Variants in MATK observed in about 807,000 individuals in gnomAD.
MATK encodes megakaryocyte-associated tyrosine-protein kinase.
In MATK, 41 loss-of-function variants were observed where a neutral mutation model predicts 59.8. The ratio of observed to expected loss-of-function variants is 0.69; its 90% CI spans 0.53 to 0.89. The LOEUF is 0.89. Among genes scored for constraint, MATK ranks in the 40% least tolerant of loss-of-function variants. The pLI, the probability that MATK is intolerant of heterozygous loss-of-function variation, is 0.00. For missense variants in MATK, 593 were observed against 719.6 expected (o/e 0.82, Z 2.01); for synonymous variants, 308 against 306.1 (o/e 1.01, Z -0.06).
chr19:3,792,063 G>A (rs1248551524), intron 1 of MATK, among the ~76,000 whole-genome samples: 3 of 150,664 alleles, frequency 2.0e-5, no homozygotes, highest in South Asian at 2.1e-4. Context: ...AGCCAAGATC[G>A]CACCACTATA....
chr19:3,784,327 C>A lies in MATK; in HGVS notation c.246+11G>T. 6.3e-7 allele frequency: 1 copy of A among 1,597,566 alleles called. No individual in the cohort carries two copies. Among genetic ancestry groups the A allele is most frequent in the Non-Finnish European group, 8.5e-7 (1 of 1,171,186 alleles). ...AGCCCCAAGCACCCACACCCGCCGG[C>A]CACCTCTCACCTCGCAGGCCTCCAG... is the stretch of plus-strand genomic sequence containing the variant. On this transcript the variant is annotated intron_variant, in intron 4 of 13. Transcript: ENST00000310132.
intron 7 of MATK, chr19:3,782,677 G>A (rs2037417744): frequency 5.5e-6 from 1 of 181,566 alleles, no homozygotes; most frequent in Non-Finnish European, 1.2e-5. Flanking sequence ...TCTCCCTGGA[G>A]GCATGGTTTC....
chr19:3,789,488 A>T, upstream of MATK: 1 of 561,158 alleles, frequency 1.8e-6, no homozygotes. Flanking sequence ...AGAAATAATA[A>T]GGGGAACCAA....
chr19:3,795,862 A>G lies in MATK; in HGVS notation c.-58+5670T>C, dbSNP rs148777670. On this transcript the variant is annotated intron_variant, in intron 1 of 13. Transcript: ENST00000395045. ...CTGCATCCTCCGCCTCCCAGGTTCA[A>G]GCTATTCTCCTGCCTCAGCCTCTTG... Among the ~76,000 whole-genome samples, 499 of 146,208 alleles carry G rather than the reference A, an allele frequency of 3.4e-3. 2 individuals carry two copies. Among genetic ancestry groups the G allele is most frequent in the Admixed American group, 4.4e-3 (62 of 14,038 alleles).
At chr19:3,791,874 G>A (rs1054924664) in intron 1 of MATK, among the ~76,000 whole-genome samples, 10 of 151,972 alleles carry the variant, frequency 6.6e-5, no homozygotes, top group Non-Finnish European at 1.2e-4. Flanking sequence ...TTGGGAGGCC[G>A]AGGTGGGTGG....
intron 3 of MATK, 96 bp downstream of exon 3, chr19:3,784,729 G>T: frequency 1.2e-6 from 1 of 841,814 alleles, no homozygotes; most frequent in Non-Finnish European, 2.0e-6. Context: ...AGGGGGTAGG[G>T]GGCAGAGAGT....
intron 1 of MATK, among the ~76,000 whole-genome samples, chr19:3,797,029 T>C (rs2037601596): frequency 6.6e-6 from 1 of 152,030 alleles, no homozygotes. Flanking sequence ...ACTTTCACAG[T>C]GGTGGGTTTG....
chr19:3,799,724 C>T (rs1466112068), intron 1 of MATK, among the ~76,000 whole-genome samples: 3 of 152,062 alleles, frequency 2.0e-5, no homozygotes. Context: ...GCCTGTGGTC[C>T]CAGCTACTTG....
Position 3,786,041 on chromosome 19 carries a change from A to C in MATK, c.-152+128T>G. On this transcript the variant is annotated intron_variant, in intron 1 of 13. Coordinates refer to ENST00000310132, the MANE Select transcript of MATK (RefSeq NM_139355.3). The surrounding 1 kb of genome is among the most constrained non-coding windows in gnomAD (Gnocchi z 4.1). ...GCCGCGCACCCGCTGCGCGCCCGGGACGCGCACACTCGCGCACACACCGGC... is the reference window on the plus strand; with the variant it reads ...GCCGCGCACCCGCTGCGCGCCCGGGCCGCGCACACTCGCGCACACACCGGC... 7.7e-6 allele frequency: 2 copies of C among 260,136 alleles called. No homozygotes were observed. The highest frequency in any genetic ancestry group is 1.2e-5 in the Non-Finnish European group (2 of 167,298). The allele number at this position is 260,136 out of a possible 1,614,324, so 16.1% of individuals were successfully genotyped here.
At position 3,791,630 on chromosome 19, in the gene MATK, A is replaced by G. The variant is rs369646251; in HGVS notation, c.-57-2226T>C. On this transcript the variant is annotated intron_variant, in intron 1 of 13. Transcript: ENST00000395045. ...AGTATTGGGATTACAGGCGTGAGCCACCGCACCCAGCCTCCACCTCCTCCC... is the reference window on the plus strand; with the variant it reads ...AGTATTGGGATTACAGGCGTGAGCCGCCGCACCCAGCCTCCACCTCCTCCC... 2.7e-5 allele frequency among the ~76,000 whole-genome samples: 4 copies of G among 149,098 alleles called. No homozygotes were observed. The East Asian group carries it at 8.4e-4, about 31-fold the overall frequency.
At position 3,785,044 on chromosome 19, in the gene MATK, T is replaced by G. The variant is rs1285464863; in HGVS notation, c.72+20A>C. ...ACCCAGAACTGGCTCCCCAAGCCCC[T>G]GTGGGGAAGTGATCTTTACCCGGGG... On this transcript the variant is annotated intron_variant, in intron 2 of 13. Coordinates refer to ENST00000310132, the MANE Select transcript of MATK (RefSeq NM_139355.3). 5.6e-6 allele frequency: 9 copies of G among 1,609,622 alleles called. No homozygotes were observed. The highest frequency in any genetic ancestry group is 3.3e-4 in the Middle Eastern group (2 of 6,076).
In MATK at chr19:3,797,862, T is replaced by C. The variant is rs925042482; in HGVS notation, c.-58+3670A>G. Among the ~76,000 whole-genome samples the C allele has an allele frequency of 5.3e-5, 8 of 151,944 alleles. No individual in the cohort carries two copies. In the South Asian group the frequency reaches 1.5e-3, roughly 28 times the overall value. On this transcript the variant is annotated intron_variant, in intron 1 of 13. Transcript: ENST00000395045. ...TTCGAGACCAGGCTGGCCAACATGG[T>C]GAAACCCCATCTCTACTAAATATAC...
At chr19:3,786,489 C>T (rs1568408752), upstream of MATK, 1 of 746,298 alleles carries the variant, frequency 1.3e-6, no homozygotes, top group Non-Finnish European at 1.6e-6. This position sits in a 1 kb window ranked among gnomAD's most constrained non-coding sequence, Gnocchi z 4.1. Flanking sequence ...CGCACGCGGG[C>T]TCCACGCCTG....
intron 1 of MATK, among the ~76,000 whole-genome samples, chr19:3,800,121 A>G (rs2037629667): frequency 6.6e-6 from 1 of 151,388 alleles, no homozygotes; most frequent in Non-Finnish European, 1.5e-5. Context: ...CAGCCTGGGC[A>G]ACAGAGCGAG....
rs751359107 is a variant in MATK, at chr19:3,784,259, G to A, written c.247-20C>T. ...CTTGTTCTGCCAGGGAGGAAGCACG[G>A]GGTTAGTGTGGGGGGTGTGGGGGTG... On this transcript the variant is annotated intron_variant, in intron 4 of 13. Coordinates refer to ENST00000310132, the MANE Select transcript of MATK (RefSeq NM_139355.3). 11 of 1,605,266 alleles carry A rather than the reference G, an allele frequency of 6.9e-6. No homozygotes were observed. Among genetic ancestry groups the A allele is most frequent in the African/African-American group, 1.3e-5 (1 of 74,890 alleles).
chr19:3,778,720 C>G, intron 12 of MATK, 125 bp from the exon 13 acceptor site: 19 of 1,071,282 alleles, frequency 1.8e-5, no homozygotes, highest in Non-Finnish European at 2.5e-5. Flanking sequence ...GAGTCCTCCC[C>G]CAACGCCGCC....
intron 1 of MATK, among the ~76,000 whole-genome samples, chr19:3,793,863 T>C (rs2037567522): frequency 6.6e-6 from 1 of 151,964 alleles, no homozygotes; most frequent in Non-Finnish European, 1.5e-5. Context: ...AGTGAGACTG[T>C]CAAAATAAAT....
At chr19:3,784,916 G>T in intron 2 of MATK, 32 bp from the exon 3 acceptor site, 1 of 1,477,854 alleles carries the variant, frequency 6.8e-7, no homozygotes, top group Non-Finnish European at 9.3e-7. Flanking sequence ...GGTGGGAGCT[G>T]GGCTGGGACC....
At chr19:3,790,923 G>T (rs1263210544), upstream of MATK, among the ~76,000 whole-genome samples, 1 of 151,224 alleles carries the variant, frequency 6.6e-6, no homozygotes, top group East Asian at 1.9e-4. Context: ...GAGCCCATTA[G>T]CCTGCCTGAG....
Sources: gnomAD v4.1 joint callset for allele counts (sites outside exome capture counted in the v4.1 genomes callset) on GRCh38, gnomAD v4.1.1 for gene constraint, Gnocchi (gnomAD v3.1) non-coding constraint, MANE v1.5 for transcripts, NCBI Gene and HGNC (gene_info 2026-07-23, HGNC 2026-07-21) for gene names.